Variants in AVEN observed in about 807,000 individuals in gnomAD.
AVEN encodes apoptosis and caspase activation inhibitor, also known as cell death regulator Aven.
A neutral mutation model predicts 38.1 loss-of-function variants in AVEN; 41 were observed. The ratio of observed to expected loss-of-function variants is 1.08; its 90% CI spans 0.84 to 1.40. The LOEUF (loss-of-function observed/expected upper bound fraction) is 1.40. Among genes scored for constraint, AVEN ranks in the 40% most tolerant of loss-of-function variants. AVEN has a pLI of 0.00. For missense variants in AVEN, 605 were observed against 438.8 expected (o/e 1.38, Z -3.38); for synonymous variants, 206 against 171.8 (o/e 1.20, Z -1.56).
chr15:34,064,363 C>T, intron 4 of AVEN: 1 of 1,543,616 alleles, frequency 6.5e-7, no homozygotes, highest in Non-Finnish European at 8.7e-7. Flanking sequence ...AGTCAACATC[C>T]TCTGAGGATG....
intron 1 of AVEN, among the ~76,000 whole-genome samples, chr15:34,005,021 G>C (rs1897284722): frequency 6.6e-6 from 1 of 151,930 alleles, no homozygotes; most frequent in Non-Finnish European, 1.5e-5. Flanking sequence ...ATATGCACTG[G>C]AGAAAATTAG....
intron 2 of AVEN, among the ~76,000 whole-genome samples, chr15:33,920,082 G>A (rs1893333241): frequency 6.6e-6 from 1 of 151,912 alleles, no homozygotes; most frequent in Non-Finnish European, 1.5e-5. Context: ...TTCTACACTG[G>A]CCCAGCAAAA....
intron 11 of AVEN, chr15:33,860,706 A>G: frequency 7.7e-7 from 1 of 1,306,088 alleles, no homozygotes; most frequent in African/African-American, 1.5e-5. Flanking sequence ...TAATATCCCC[A>G]GAAGCAAATA....
chr15:33,862,341 T>C (rs1813447263), downstream of AVEN, among the ~76,000 whole-genome samples: 1 of 150,964 alleles, frequency 6.6e-6, no homozygotes, highest in African/African-American at 2.4e-5. Context: ...CCTGAGTAGC[T>C]GGGACAGGTG....
At chr15:33,944,147 C>A (rs1386145034) in intron 2 of AVEN, among the ~76,000 whole-genome samples, 1 of 152,142 alleles carries the variant, frequency 6.6e-6, no homozygotes, top group African/African-American at 2.4e-5. Context: ...AATAAAGTTG[C>A]CCAGAAGACC....
exon 1 of AVEN, among the ~76,000 whole-genome samples, chr15:34,074,454 G>T (rs1900694172): frequency 6.6e-6 from 1 of 152,180 alleles, no homozygotes; most frequent in Non-Finnish European, 1.5e-5. Context: ...AGTTCTGGAG[G>T]CCAGAAGTCT....
intron 2 of AVEN, among the ~76,000 whole-genome samples, chr15:34,069,079 G>A (rs916156896): frequency 3.3e-5 from 5 of 151,682 alleles, no homozygotes; most frequent in African/African-American, 1.2e-4. Context: ...CCAAAGTGCT[G>A]GGATTACAGG....
chr15:33,944,265 G>A (rs561072712), intron 2 of AVEN, among the ~76,000 whole-genome samples: 3 of 152,266 alleles, frequency 2.0e-5, no homozygotes, highest in South Asian at 2.1e-4. Flanking sequence ...GGTAACTGAA[G>A]AAGAATATAG....
At chr15:33,877,948 CAAAT>C (rs1471722122) in intron 2 of AVEN, among the ~76,000 whole-genome samples, 1 of 151,936 alleles carries the variant, frequency 6.6e-6, no homozygotes, top group Non-Finnish European at 1.5e-5. Flanking sequence ...GTCTCTGTCT[CAAAT>C]AAATAAATAA....
At chr15:34,030,678 G>C (rs1898745821) in intron 1 of AVEN, among the ~76,000 whole-genome samples, 1 of 152,010 alleles carries the variant, frequency 6.6e-6, no homozygotes, top group Admixed American at 6.6e-5. Context: ...ATCCAGGCTG[G>C]AGTGATCATA....
rs772800399 is a variant in AVEN, at chr15:34,063,756, G to A, written n.1127-324C>T. On this transcript the variant is annotated intron_variant and non_coding_transcript_variant, in intron 4 of 11. Transcript: ENST00000675287. This position sits in a 1 kb window ranked among gnomAD's most constrained non-coding sequence, Gnocchi z 4.1. ...TGCTGAAGAGACTGAGGAAACTTTT[G>A]TGAAAGCTGAAACTGAAAAAAGTGA... The A allele has an allele frequency of 6.2e-7, 1 of 1,614,116 alleles. No homozygotes were observed. Among genetic ancestry groups the A allele is most frequent in the Non-Finnish European group, 8.5e-7 (1 of 1,180,058 alleles).
In AVEN at chr15:34,074,822, C is replaced by G. The variant is rs1324407322; in HGVS notation, n.334G>C. The stretch of plus-strand genomic sequence containing the variant: ...AATTCAATCCATAATAATAACCAAG[C>G]AAGAAAAACACTTTCCTTTTTTATA... On this transcript the variant is annotated non_coding_transcript_exon_variant, in exon 1 of 12. Coordinates refer to the AVEN transcript ENST00000675287. Among the ~76,000 whole-genome samples, 8 of 152,176 alleles carry G rather than the reference C, an allele frequency of 5.3e-5. No homozygotes were observed. In the East Asian group the frequency reaches 1.4e-3, roughly 26 times the overall value.
At chr15:33,933,524 C>CACACACACACAG (rs1893945145) in intron 2 of AVEN, among the ~76,000 whole-genome samples, 26 of 46,648 alleles carry the variant, frequency 5.6e-4, no homozygotes, top group Non-Finnish European at 6.7e-4. Context: ...CACACACACA[C>CACACACACACAG]AGAGAGAGAG....
chr15:33,856,412 C>A (rs140934780), downstream of AVEN: 1 of 152,280 alleles, frequency 6.6e-6, no homozygotes, highest in Non-Finnish European at 1.5e-5. Context: ...GTCAGATGTG[C>A]AGGTCCTGTG....
At chr15:34,038,032 C>A (rs1001626468) in intron 1 of AVEN, among the ~76,000 whole-genome samples, 4 of 152,096 alleles carry the variant, frequency 2.6e-5, no homozygotes, top group Admixed American at 6.6e-5. Context: ...TATATCATCC[C>A]CTGCTCCAAT....
downstream of AVEN, among the ~76,000 whole-genome samples, chr15:33,862,478 A>G (rs1406449711): frequency 3.3e-5 from 5 of 152,124 alleles, no homozygotes; most frequent in Non-Finnish European, 5.9e-5. Flanking sequence ...GAGTGCTGGG[A>G]TTACGGGTGT....
At chr15:34,040,127 C>T (rs556821462), upstream of AVEN, among the ~76,000 whole-genome samples, 4 of 152,222 alleles carry the variant, frequency 2.6e-5, no homozygotes, top group Admixed American at 2.0e-4. Flanking sequence ...ATTGCCTACT[C>T]TGCATCAGGC....
At chr15:34,019,047 T>A (rs552748749) in intron 1 of AVEN, among the ~76,000 whole-genome samples, 3 of 152,152 alleles carry the variant, frequency 2.0e-5, no homozygotes, top group African/African-American at 4.8e-5. Context: ...GCGTTTTTTT[T>A]ACAGAGTGCT....
At chr15:34,027,067 A>G (rs1898512406) in intron 1 of AVEN, among the ~76,000 whole-genome samples, 1 of 152,252 alleles carries the variant, frequency 6.6e-6, no homozygotes, top group African/African-American at 2.4e-5. Context: ...AAAAGCAACA[A>G]GAACACTGAC....
Sources: allele counts gnomAD v4.1 joint callset (sites outside exome capture counted in the v4.1 genomes callset), GRCh38; gene constraint gnomAD v4.1.1; non-coding constraint Gnocchi (gnomAD v3.1); transcripts MANE v1.5; gene names NCBI Gene and HGNC (gene_info 2026-07-23, HGNC 2026-07-21).